The following KCNJ14 variants were observed in gnomAD, a reference collection of about 807,000 sequenced individuals.
KCNJ14 encodes ATP-sensitive inward rectifier potassium channel 14.
A neutral mutation model predicts 24.5 loss-of-function variants in KCNJ14; 18 were observed. That is an observed-to-expected ratio of 0.74 (90% confidence interval 0.51 to 1.09). The LOEUF (loss-of-function observed/expected upper bound fraction) is 1.09. Ranked by LOEUF, KCNJ14 falls within the 50% of genes least tolerant of loss-of-function variation. The pLI, the probability that KCNJ14 is intolerant of heterozygous loss-of-function variation, is 0.00. For synonymous variants in KCNJ14, 288 were observed against 270.8 expected, an observed-to-expected ratio of 1.06 and a Z score of -0.63; for missense variants, 633 against 623.0, an observed-to-expected ratio of 1.02 and a Z score of -0.17.
In KCNJ14 at chr19:48,464,390, GGCCACA is replaced by G. The variant is rs1458271703; in HGVS notation, c.929_934del (p.Thr310_Ala311del). 3 of 1,613,270 alleles carry G rather than the reference GGCCACA, an allele frequency of 1.9e-6. No individual in the cohort carries two copies. Among genetic ancestry groups the G allele is most frequent in the Non-Finnish European group, 2.5e-6 (3 of 1,179,730 alleles). Reference sequence around the variant, plus strand: ...TGGTCATTCTCGAGGGGATGGTTGAGGCCACAGCCATGACCACACAGTGTCGCTCGT... The same window carrying G: ...TGGTCATTCTCGAGGGGATGGTTGAGGCCATGACCACACAGTGTCGCTCGT... On this transcript the variant is annotated inframe_deletion, in exon 3 of 3. Coordinates refer to ENST00000342291, the MANE Select transcript of KCNJ14 (RefSeq NM_013348.4).
Position 48,461,698 on chromosome 19 carries a change from G to C in KCNJ14, c.-27G>C, listed in dbSNP as rs1302834745. On this transcript the variant is annotated 5_prime_UTR_variant, in exon 2 of 3. Transcript: ENST00000342291. The stretch of plus-strand genomic sequence containing the variant: ...GTTGGGGGCGCCTGCCCCCCACTAG[G>C]CCAAGTGGAGGGGGTCCCTCCGTCC... 7.3e-7 allele frequency: 1 copy of C among 1,376,918 alleles called. No homozygotes were observed. Among genetic ancestry groups the C allele is most frequent in the East Asian group, 2.8e-5 (1 of 35,386 alleles). 85.3% of individuals were successfully genotyped at this position (1,376,918 alleles called of 1,614,324 possible).
chr19:48,461,887 A>G lies in KCNJ14; in HGVS notation c.163A>G (p.Lys55Glu), dbSNP rs1460174215. 50 of 1,596,324 alleles carry G rather than the reference A, an allele frequency of 3.1e-5. No homozygotes were observed. The highest frequency in any genetic ancestry group is 3.9e-5 in the Non-Finnish European group (46 of 1,170,386). Reference protein sequence around the residue: ...VGRRRGRFVKKDGHCNVRFVN... With the variant: ...VGRRRGRFVKEDGHCNVRFVN... Reference sequence around the variant, plus strand: ...CCGGCGCCGCGGTCGCTTCGTCAAGAAAGACGGGCACTGCAACGTGCGTTT... The same window carrying G: ...CCGGCGCCGCGGTCGCTTCGTCAAGGAAGACGGGCACTGCAACGTGCGTTT... The change falls in exon 2 of 3, where the codon AAA becomes GAA. Residue 55 changes from lysine to glutamate, a missense_variant. Coordinates refer to ENST00000342291, the MANE Select transcript of KCNJ14 (RefSeq NM_013348.4).
Position 48,462,588 on chromosome 19 carries a change from T to C in KCNJ14, c.714+150T>C. On this transcript the variant is annotated intron_variant, in intron 2 of 2. Coordinates refer to ENST00000342291, the MANE Select transcript of KCNJ14 (RefSeq NM_013348.4). The surrounding 1 kb of genome is among the most constrained non-coding windows in gnomAD (Gnocchi z 4.9). ...GGCCTGGGGCCTGCGAATGGGTCAC[T>C]GGGCAGCTGGGGATGTAAACCCAAC... 1 of 602,654 alleles carries C rather than the reference T, an allele frequency of 1.7e-6. No homozygotes were observed. The highest frequency in any genetic ancestry group is 2.8e-6 in the Non-Finnish European group (1 of 354,364). The allele number at this position is 602,654 out of a possible 1,614,324, so 37.3% of individuals were successfully genotyped here.
At chr19:48,463,219 C>T (rs1482871264) in intron 2 of KCNJ14, among the ~76,000 whole-genome samples, 1 of 152,110 alleles carries the variant, frequency 6.6e-6, no homozygotes, top group Non-Finnish European at 1.5e-5. Context: ...CCGGCAGCTG[C>T]CGTGGCCCAA....
At chr19:48,459,097 C>A (rs755398726) in intron 1 of KCNJ14, among the ~76,000 whole-genome samples, 49 of 150,976 alleles carry the variant, frequency 3.2e-4, no homozygotes, top group South Asian at 1.7e-3. Flanking sequence ...AAAAAATTAG[C>A]CGGGCGTAGT....
chr19:48,461,789 G>T lies in KCNJ14; in HGVS notation c.65G>T (p.Gly22Val). 1 of 1,463,622 alleles carries T rather than the reference G, an allele frequency of 6.8e-7. No individual in the cohort carries two copies. The highest frequency in any genetic ancestry group is 9.0e-7 in the Non-Finnish European group (1 of 1,110,460). 90.7% of individuals were successfully genotyped at this position (1,463,622 alleles called of 1,614,324 possible). A position where few individuals can be genotyped will look rare whatever the true frequency, so the allele number is the denominator to read the frequency against. Reference protein sequence around the residue: ...GALDSGDSRAGDEEEAGPGLC... With the variant: ...GALDSGDSRAVDEEEAGPGLC... ...CTGGATTCGGGAGACAGCCGGGCGG[G>T]CGATGAAGAGGAGGCCGGGCCCGGG... Residue 22 changes from glycine to valine, a missense_variant, in exon 2 of 3, where the codon GGC becomes GTC. Transcript: ENST00000342291.
chr19:48,462,062 CG>C lies in KCNJ14; in HGVS notation c.339del (p.Leu114CysfsTer128). 6.2e-7 allele frequency: 1 copy of C among 1,608,886 alleles called. No homozygotes were observed. The highest frequency in any genetic ancestry group is 8.5e-7 in the Non-Finnish European group (1 of 1,179,226). On this transcript the variant is annotated frameshift_variant, in exon 2 of 3. Transcript: ENST00000342291. LOFTEE classifies it high-confidence loss of function. This position sits in a 1 kb window ranked among gnomAD's most constrained non-coding sequence, Gnocchi z 4.9. ...LFGLAFWLIA[S>X]LHGDLAAPPP... ...GGCCTGGCCTTCTGGCTCATTGCCT[CG>C]CTGCACGGCGACCTGGCCGCCCCGC...
Position 48,462,240 on chromosome 19 carries a change from C to G in KCNJ14, c.516C>G (p.Ala172=). 1.9e-6 allele frequency: 3 copies of G among 1,548,644 alleles called. No homozygotes were observed. Among genetic ancestry groups the G allele is most frequent in the South Asian group, 2.4e-5 (2 of 84,266 alleles). ...AVAAVVLQCI[A]GCVLDAFVVG... Reference sequence around the variant, plus strand: ...CCGCCGTGGTGCTGCAGTGCATTGCCGGCTGCGTGCTCGACGCCTTCGTCG... The same window carrying G: ...CCGCCGTGGTGCTGCAGTGCATTGCGGGCTGCGTGCTCGACGCCTTCGTCG... Residue 172 remains alanine, a synonymous_variant, in exon 2 of 3, where the codon GCC becomes GCG. Transcript: ENST00000342291. The surrounding 1 kb of genome is among the most constrained non-coding windows in gnomAD (Gnocchi z 4.9).
intron 1 of KCNJ14, 99 bp from the exon 2 acceptor site, chr19:48,461,571 T>G (rs1317170024): frequency 2.4e-6 from 1 of 421,922 alleles, no homozygotes; most frequent in Admixed American, 4.2e-5. Context: ...TCCACCTATT[T>G]GACAGATGAG....
Position 48,461,661 on chromosome 19 carries a change from T to C in KCNJ14, c.-55-9T>C. On this transcript the variant is annotated splice_polypyrimidine_tract_variant and intron_variant, in intron 1 of 2. Coordinates refer to ENST00000342291, the MANE Select transcript of KCNJ14 (RefSeq NM_013348.4). ...TGCCCCTGACGTTTCTGCCGGTTTC[T>C]TGTCCCAGCAGGTTGGGGGCGCCTG... 9.4e-7 allele frequency: 1 copy of C among 1,059,680 alleles called. No homozygotes were observed. The highest frequency in any genetic ancestry group is 1.3e-6 in the Non-Finnish European group (1 of 789,986). 65.6% of individuals were successfully genotyped at this position (1,059,680 alleles called of 1,614,324 possible). A position where few individuals can be genotyped will look rare whatever the true frequency, so the allele number is the denominator to read the frequency against.
In KCNJ14 at chr19:48,462,170, G is replaced by C. The variant is rs1199435262; in HGVS notation, c.446G>C (p.Gly149Ala). 1 of 1,569,940 alleles carries C rather than the reference G, an allele frequency of 6.4e-7. No individual in the cohort carries two copies. The highest frequency in any genetic ancestry group is 8.6e-7 in the Non-Finnish European group (1 of 1,158,370). The change falls in exon 2 of 3, where the codon GGC (glycine) becomes GCC (alanine). Residue 149 changes from glycine to alanine, a missense_variant. Coordinates refer to ENST00000342291, the MANE Select transcript of KCNJ14 (RefSeq NM_013348.4). The surrounding 1 kb of genome is among the most constrained non-coding windows in gnomAD (Gnocchi z 4.9). ...LFALETQTSI[G>A]YGVRSVTEEC... ...GCGCTGGAGACGCAGACGTCCATCGGCTACGGCGTGCGCAGCGTCACCGAG... is the reference window on the plus strand; with the variant it reads ...GCGCTGGAGACGCAGACGTCCATCGCCTACGGCGTGCGCAGCGTCACCGAG...
rs1418852310 is a variant in KCNJ14, at chr19:48,464,943, G to T, written c.*166G>T. The T allele has an allele frequency of 1.6e-6, 1 of 615,662 alleles. No homozygotes were observed. Among genetic ancestry groups the T allele is most frequent in the South Asian group, 2.0e-5 (1 of 51,232 alleles). The allele number at this position is 615,662 out of a possible 1,614,324, so 38.1% of individuals were successfully genotyped here. ...CTGCCATGCCTGGTGACCCACCATG[G>T]ACATACTGGACCTTAATTCCTCTGC... On this transcript the variant is annotated 3_prime_UTR_variant, in exon 3 of 3. Coordinates refer to ENST00000342291, the MANE Select transcript of KCNJ14 (RefSeq NM_013348.4).
Position 48,464,768 on chromosome 19 carries a change from G to T in KCNJ14, c.1302G>T (p.Leu434=), listed in dbSNP as rs1440699374. ...TCACACCAACCCTGGCGCTGACCCT[G>T]CCTCCATGATGCAAACTGATGTCCC... The part of the protein sequence containing the change: ...RVLTPTLALT[L]PP The change falls in exon 3 of 3, where the codon CTG becomes CTT. Residue 434 remains leucine (L), a synonymous_variant. Coordinates refer to ENST00000342291, the MANE Select transcript of KCNJ14 (RefSeq NM_013348.4). The T allele has an allele frequency of 6.2e-7, 1 of 1,601,792 alleles. No individual in the cohort carries two copies. The highest frequency in any genetic ancestry group is 1.7e-4 in the Middle Eastern group (1 of 6,060).
chr19:48,464,153 G>A, intron 2 of KCNJ14, 28 bp from the exon 3 acceptor site: 1 of 1,529,674 alleles, frequency 6.5e-7, no homozygotes, highest in Non-Finnish European at 9.1e-7. Context: ...GCTCCCTGCT[G>A]TCTTTGGCTC....
chr19:48,462,207 C>A lies in KCNJ14; in HGVS notation c.483C>A (p.Ala161=), dbSNP rs779273608. 5 of 1,554,076 alleles carry A rather than the reference C, an allele frequency of 3.2e-6. No individual in the cohort carries two copies. Among genetic ancestry groups the A allele is most frequent in the Non-Finnish European group, 4.4e-6 (5 of 1,149,262 alleles). Reference sequence around the variant, plus strand: ...GCAGCGTCACCGAGGAGTGCCCGGCCGCTGTGGCCGCCGTGGTGCTGCAGT... The same window carrying A: ...GCAGCGTCACCGAGGAGTGCCCGGCAGCTGTGGCCGCCGTGGTGCTGCAGT... ...GVRSVTEECP[A]AVAAVVLQCI... Residue 161 remains alanine, a synonymous_variant, in exon 2 of 3, where the codon GCC becomes GCA. Transcript: ENST00000342291. The surrounding 1 kb of genome is among the most constrained non-coding windows in gnomAD (Gnocchi z 4.9).
intron 1 of KCNJ14, among the ~76,000 whole-genome samples, chr19:48,460,697 T>C (rs573445087): frequency 1.3e-5 from 2 of 152,368 alleles, no homozygotes; most frequent in South Asian, 4.1e-4. Context: ...AACAGTATAA[T>C]TGATAGAACA....
Position 48,464,427 on chromosome 19 carries a change from C to G in KCNJ14, c.961C>G (p.Leu321Val). Residue 321 changes from leucine (L) to valine (V), a missense_variant, in exon 3 of 3, where the codon CTC (leucine) becomes GTC (valine). Transcript: ENST00000342291. ...AMTTQCRSSY[L>V]PGELLWGHRF... The stretch of plus-strand genomic sequence containing the variant: ...GACCACACAGTGTCGCTCGTCCTAC[C>G]TCCCTGGTGAACTGCTCTGGGGCCA... The G allele has an allele frequency of 6.2e-7, 1 of 1,613,768 alleles. No homozygotes were observed. The highest frequency in any genetic ancestry group is 8.5e-7 in the Non-Finnish European group (1 of 1,179,892).
chr19:48,457,697 A>T (rs1258716438), intron 1 of KCNJ14, among the ~76,000 whole-genome samples: 2 of 151,220 alleles, frequency 1.3e-5, no homozygotes, highest in South Asian at 2.1e-4. Context: ...TTTTTTTTTT[A>T]AATGGAGTCT....
chr19:48,458,045 T>TAAAAG (rs1395799785), intron 1 of KCNJ14, among the ~76,000 whole-genome samples: 2 of 152,238 alleles, frequency 1.3e-5, no homozygotes, highest in Admixed American at 6.5e-5. Flanking sequence ...CATTTCTCTT[T>TAAAAG]ATTGTCAAAT....
Sources: gnomAD v4.1 joint callset for allele counts (sites outside exome capture counted in the v4.1 genomes callset) on GRCh38, gnomAD v4.1.1 for gene constraint, Gnocchi (gnomAD v3.1) non-coding constraint, MANE v1.5 for transcripts, NCBI Gene and HGNC (gene_info 2026-07-23, HGNC 2026-07-21) for gene names.